The following FRMPD2 variants were observed in gnomAD, a reference collection of about 807,000 sequenced individuals.
FRMPD2 encodes the protein FERM and PDZ domain-containing protein 2.
In FRMPD2, 96 loss-of-function variants were observed where a neutral mutation model predicts 140.1. The observed-to-expected ratio is 0.69, with a 90% CI of 0.58 to 0.81. The LOEUF is 0.81. FRMPD2 is among the 40% of genes least tolerant of loss of function. The probability of loss-of-function intolerance (pLI) is 0.00; values close to 1 mark genes in which losing one functional copy is unlikely to be tolerated. For missense variants in FRMPD2, 1,240 were observed against 1,447.4 expected, an observed-to-expected ratio of 0.86 and a Z score of 2.32; for synonymous variants, 449 against 547.6, an observed-to-expected ratio of 0.82 and a Z score of 2.52.
chr10:48,258,294 A>G (rs1366575916), intron 1 of FRMPD2, among the ~76,000 whole-genome samples: 1 of 152,210 alleles, frequency 6.6e-6, no homozygotes, highest in Admixed American at 6.5e-5. Context: ...CAAGGCTCTT[A>G]TCTTCTGGAA....
At chr10:48,194,783 T>C (rs1265166884) in intron 15 of FRMPD2, among the ~76,000 whole-genome samples, 3 of 152,040 alleles carry the variant, frequency 2.0e-5, no homozygotes, top group Non-Finnish European at 4.4e-5. Context: ...TGTGGGCTGG[T>C]GGGGCTGCTG....
At chr10:48,230,309 C>T (rs1318449577) in intron 10 of FRMPD2, among the ~76,000 whole-genome samples, 1 of 152,116 alleles carries the variant, frequency 6.6e-6, no homozygotes, top group Non-Finnish European at 1.5e-5. Context: ...ATAAAATATG[C>T]TCTCTTTATA....
intron 14 of FRMPD2, among the ~76,000 whole-genome samples, chr10:48,204,457 T>G (rs959992266): frequency 6.6e-6 from 1 of 152,160 alleles, no homozygotes; most frequent in African/African-American, 2.4e-5. Flanking sequence ...CAGATTTCAA[T>G]CCACCATGCT....
At chr10:48,177,532 G>GT (rs1266290847) in intron 22 of FRMPD2, 1 of 159,452 alleles carries the variant, frequency 6.3e-6, no homozygotes, top group African/African-American at 2.4e-5. Flanking sequence ...AGTTATATGG[G>GT]TAATCTCCTT....
intron 12 of FRMPD2, among the ~76,000 whole-genome samples, chr10:48,219,101 T>G (rs1449260580): frequency 2.6e-5 from 4 of 152,146 alleles, no homozygotes; most frequent in Non-Finnish European, 1.5e-5. Context: ...GAGACGGATG[T>G]GCAGACATTA....
chr10:48,162,128 T>A (rs538008430), intron 28 of FRMPD2, among the ~76,000 whole-genome samples: 2 of 149,804 alleles, frequency 1.3e-5, no homozygotes, highest in East Asian at 3.9e-4. Context: ...TATTATTTTA[T>A]CAAGTATGTC....
At chr10:48,181,112 T>G (rs1398934317) in intron 20 of FRMPD2, 104 bp from the exon 21 acceptor site, 1 of 679,390 alleles carries the variant, frequency 1.5e-6, no homozygotes, top group Non-Finnish European at 2.7e-6. Flanking sequence ...GAGTGATCGT[T>G]TATAGCTGCT....
At chr10:48,178,217 T>G (rs1306792619) in intron 21 of FRMPD2, 66 bp from the exon 22 acceptor site, 4 of 1,190,102 alleles carry the variant, frequency 3.4e-6, no homozygotes, top group Non-Finnish European at 5.0e-6. Context: ...TAGCTCATAC[T>G]GCTCTCAGGA....
intron 1 of FRMPD2, among the ~76,000 whole-genome samples, chr10:48,264,464 GT>G (rs942929363): frequency 6.6e-6 from 1 of 152,016 alleles, no homozygotes; most frequent in African/African-American, 2.4e-5. Context: ...AAACTCAACT[GT>G]TTTGACTTTA....
chr10:48,191,214 C>T (rs146682541), intron 16 of FRMPD2, among the ~76,000 whole-genome samples: 126 of 152,268 alleles, frequency 8.3e-4, no homozygotes, highest in African/African-American at 3.0e-3. Context: ...CAAGACTACT[C>T]ACGGAGAGAG....
intron 1 of FRMPD2, among the ~76,000 whole-genome samples, chr10:48,261,309 G>T (rs753025365): frequency 3.3e-5 from 5 of 150,674 alleles, no homozygotes; most frequent in African/African-American, 1.2e-4. Context: ...CATCAAGCAA[G>T]ATAAATAAAA....
chr10:48,184,489 T>A (rs1468231204), intron 20 of FRMPD2, 77 bp downstream of exon 20: 1 of 890,784 alleles, frequency 1.1e-6, no homozygotes, highest in African/African-American at 1.7e-5. Flanking sequence ...GACTTCAAGG[T>A]CTAGTACCTC....
chr10:48,211,314 G>T (rs1290495451), intron 13 of FRMPD2, among the ~76,000 whole-genome samples: 2 of 152,224 alleles, frequency 1.3e-5, no homozygotes, highest in Non-Finnish European at 2.9e-5. Context: ...CTGCACTCCT[G>T]TGCACAGGCC....
In FRMPD2 at chr10:48,274,531, G is replaced by A. The variant is rs1220284871; in HGVS notation, c.25+12C>T. 1.2e-6 allele frequency: 2 copies of A among 1,613,520 alleles called. No individual in the cohort carries two copies. Among genetic ancestry groups the A allele is most frequent in the Non-Finnish European group, 1.7e-6 (2 of 1,179,562 alleles). On this transcript the variant is annotated intron_variant, in intron 1 of 28. Transcript: ENST00000374201. ...GATTTATAGGAGAAAACTGAATGATGCCAAGGAATACCTGCGTCCTTCGTT... is the reference window on the plus strand; with the variant it reads ...GATTTATAGGAGAAAACTGAATGATACCAAGGAATACCTGCGTCCTTCGTT...
intron 10 of FRMPD2, among the ~76,000 whole-genome samples, chr10:48,223,794 G>A (rs1839663595): frequency 6.6e-6 from 1 of 152,176 alleles, no homozygotes; most frequent in Non-Finnish European, 1.5e-5. Context: ...GAGATCATGA[G>A]TATGGGTCCC....
intron 1 of FRMPD2, among the ~76,000 whole-genome samples, chr10:48,259,169 T>C (rs1840537506): frequency 6.6e-6 from 1 of 152,214 alleles, no homozygotes; most frequent in African/African-American, 2.4e-5. Context: ...AGTTGAATCC[T>C]CACCAATTAT....
chr10:48,251,740 A>G (rs751950146), intron 1 of FRMPD2, 49 bp from the exon 2 acceptor site: 3 of 1,607,662 alleles, frequency 1.9e-6, no homozygotes, highest in African/African-American at 1.3e-5. Context: ...GTCCAGGAAC[A>G]TGTCCGGGCC....
chr10:48,163,790 G>A (rs1838019288), intron 27 of FRMPD2, 119 bp from the exon 28 acceptor site: 5 of 669,232 alleles, frequency 7.5e-6, no homozygotes, highest in Admixed American at 6.7e-5. Flanking sequence ...GGGCTTTGAG[G>A]TCTGTCTATC....
chr10:48,202,241 A>C (rs1839103580), intron 14 of FRMPD2, among the ~76,000 whole-genome samples: 1 of 152,228 alleles, frequency 6.6e-6, no homozygotes, highest in African/African-American at 2.4e-5. Context: ...CTATTTCAAT[A>C]AGAACCTTCA....
Sources: allele counts gnomAD v4.1 joint callset (sites outside exome capture counted in the v4.1 genomes callset), GRCh38; gene constraint gnomAD v4.1.1; transcripts MANE v1.5; gene names NCBI Gene and HGNC (gene_info 2026-07-23, HGNC 2026-07-21).